The following GLI3 variants were observed in gnomAD, a reference collection of about 807,000 sequenced individuals.
GLI3 encodes GLI family zinc finger 3.
A neutral mutation model predicts 100.8 loss-of-function variants in GLI3; 20 were observed. The ratio of observed to expected loss-of-function variants is 0.20; its 90% CI spans 0.14 to 0.29. The LOEUF (loss-of-function observed/expected upper bound fraction) is 0.29, where lower values mean the gene tolerates loss of function less well. Ranked by LOEUF, GLI3 falls within the 10% of genes least tolerant of loss-of-function variation. The pLI is 1.00. For missense variants in GLI3, 2,040 were observed against 2,128.5 expected (o/e 0.96, Z 0.82); for synonymous variants, 938 against 860.5 (o/e 1.09, Z -1.58).
At position 42,080,605 on chromosome 7, in the gene GLI3, A is replaced by G. The variant is rs1228274166; in HGVS notation, c.368-3748T>C. Among the ~76,000 whole-genome samples the G allele has an allele frequency of 2.0e-5, 3 of 152,314 alleles. No individual in the cohort carries two copies. The East Asian group carries it at 5.8e-4, about 29-fold the overall frequency. On this transcript the variant is annotated intron_variant, in intron 3 of 14. Transcript: ENST00000395925. The stretch of plus-strand genomic sequence containing the variant: ...GCCACTTTCTGGGAAAATACAATGG[A>G]ACTCCCCTCTTCCAATTCAAGACGT...
At chr7:42,113,310 G>T in intron 3 of GLI3, 2 of 607,790 alleles carry the variant, frequency 3.3e-6, no homozygotes, top group Middle Eastern at 3.0e-4. Flanking sequence ...ACCAAAGCCC[G>T]CACACCACCA....
chr7:42,152,521 C>CT, intron 2 of GLI3: 1 of 632,480 alleles, frequency 1.6e-6, no homozygotes, highest in East Asian at 1.4e-4. Flanking sequence ...GTGGTTGGAG[C>CT]CATGCTAAAT....
At chr7:42,018,399 G>T (rs1019902836) in intron 10 of GLI3, among the ~76,000 whole-genome samples, 1 of 152,026 alleles carries the variant, frequency 6.6e-6, no homozygotes, top group Admixed American at 6.6e-5. Flanking sequence ...GACCCCTATC[G>T]CATCTTAAAC....
intron 7 of GLI3, among the ~76,000 whole-genome samples, chr7:42,030,961 C>T (rs976482153): frequency 4.6e-5 from 7 of 152,026 alleles, no homozygotes; most frequent in African/African-American, 9.7e-5. Flanking sequence ...TCAAGTGATC[C>T]GGCCGCCTCG....
intron 3 of GLI3, among the ~76,000 whole-genome samples, chr7:42,086,599 T>C (rs952906708): frequency 1.1e-4 from 16 of 152,048 alleles, no homozygotes; most frequent in African/African-American, 3.1e-4. Flanking sequence ...TCAGGCACCA[T>C]GCACTTCATG....
intron 3 of GLI3, among the ~76,000 whole-genome samples, chr7:42,085,453 C>T (rs1364252294): frequency 6.6e-6 from 1 of 152,008 alleles, no homozygotes; most frequent in Non-Finnish European, 1.5e-5. Flanking sequence ...ATAAGCATTC[C>T]CAAAACGTTA....
At chr7:42,216,423 G>C (rs567505410) in intron 2 of GLI3, among the ~76,000 whole-genome samples, 1 of 152,312 alleles carries the variant, frequency 6.6e-6, no homozygotes, top group East Asian at 1.9e-4. Context: ...TGGTGGATAT[G>C]TGACATACAT....
chr7:42,197,840 G>T (rs1406526833), intron 2 of GLI3, among the ~76,000 whole-genome samples: 1 of 152,124 alleles, frequency 6.6e-6, no homozygotes. Context: ...TTAACGCAAG[G>T]CTCTCGCTCT....
In GLI3 at chr7:41,963,625, T is replaced by C. The variant is rs1787067357; in HGVS notation, c.*705A>G. 1 of 152,370 alleles carries C rather than the reference T, an allele frequency of 6.6e-6. No individual in the cohort carries two copies. The highest frequency in any genetic ancestry group is 2.4e-5 in the African/African-American group (1 of 41,442). The allele number at this position is 152,370 out of a possible 1,614,324, so 9.4% of individuals were successfully genotyped here. On this transcript the variant is annotated 3_prime_UTR_variant, in exon 15 of 15. Transcript: ENST00000395925. Reference sequence around the variant, plus strand: ...GACATAGCCTCCCCCAAAGCACACTTACAGACATGAAGAGCTGAAAACCAA... The same window carrying C: ...GACATAGCCTCCCCCAAAGCACACTCACAGACATGAAGAGCTGAAAACCAA...
intron 10 of GLI3, among the ~76,000 whole-genome samples, chr7:42,020,590 G>T (rs1411119080): frequency 6.6e-6 from 1 of 152,166 alleles, no homozygotes; most frequent in Non-Finnish European, 1.5e-5. Flanking sequence ...CCTCTTGGTT[G>T]TATGTGGCAT....
chr7:41,998,045 C>T (rs959259701), intron 10 of GLI3, among the ~76,000 whole-genome samples: 4 of 151,946 alleles, frequency 2.6e-5, no homozygotes, highest in South Asian at 2.1e-4. Flanking sequence ...TTATTTTTTG[C>T]AAAGGGCAAG....
At chr7:42,251,477 TG>T (rs1211694197) in intron 1 of GLI3, among the ~76,000 whole-genome samples, 1 of 152,076 alleles carries the variant, frequency 6.6e-6, no homozygotes, top group African/African-American at 2.4e-5. Flanking sequence ...TAGGGGGAGT[TG>T]GGGGAGTGGC....
Position 42,204,807 on chromosome 7 carries a change from A to G in GLI3, c.124+18323T>C, listed in dbSNP as rs891774919. On this transcript the variant is annotated intron_variant, in intron 2 of 14. Transcript: ENST00000395925. ...GAATTCTCCTGGACCAGGTCTAGAC[A>G]TGAAAAGTTCTATTGTATGCACGAC... Among the ~76,000 whole-genome samples the G allele has an allele frequency of 1.1e-4, 16 of 152,184 alleles. No homozygotes were observed. The East Asian group carries it at 3.1e-3, about 29-fold the overall frequency.
Position 42,223,197 on chromosome 7 carries a change from G to C in GLI3, c.57C>G (p.Ser19=). The change falls in exon 2 of 15, where the codon TCC becomes TCG. Residue 19 remains serine, a synonymous_variant. Coordinates refer to ENST00000395925, the MANE Select transcript of GLI3 (RefSeq NM_000168.6). Reference sequence around the variant, plus strand: ...CTGTTCGAGTGGAGCACTTCACTATGGAATTCTCAACTTTTTTCTTTTCAG... The same window carrying C: ...CTGTTCGAGTGGAGCACTTCACTATCGAATTCTCAACTTTTTTCTTTTCAG... ...TTTEKKKVEN[S]IVKCSTRTDV... 2 of 1,613,714 alleles carry C rather than the reference G, an allele frequency of 1.2e-6. No homozygotes were observed. Among genetic ancestry groups the C allele is most frequent in the Non-Finnish European group, 1.7e-6 (2 of 1,179,694 alleles).
intron 2 of GLI3, among the ~76,000 whole-genome samples, chr7:42,180,120 G>C (rs1327100701): frequency 6.6e-6 from 1 of 152,202 alleles, no homozygotes; most frequent in African/African-American, 2.4e-5. Flanking sequence ...ATAAGAACGA[G>C]GAGTGGCCTG....
chr7:42,045,263 T>C, intron 6 of GLI3, 121 bp downstream of exon 6: 1 of 970,502 alleles, frequency 1.0e-6, no homozygotes, highest in Non-Finnish European at 1.7e-6. Context: ...ATAGTGGTGG[T>C]TCCACTTTCT....
intron 2 of GLI3, among the ~76,000 whole-genome samples, chr7:42,207,748 T>C (rs753852927): frequency 2.0e-5 from 3 of 152,230 alleles, no homozygotes; most frequent in Non-Finnish European, 2.9e-5. Flanking sequence ...AGAGAAAGAC[T>C]GAAAATATAC....
At chr7:42,182,664 A>ATATATATATATATACATGTGTGTG (rs1787629411) in intron 2 of GLI3, among the ~76,000 whole-genome samples, 2 of 78,328 alleles carry the variant, frequency 2.6e-5, no homozygotes, top group Admixed American at 1.2e-4. Context: ...ATATATATAT[A>ATATATATATATATACATGTGTGTG]TATATATATA....
intron 2 of GLI3, among the ~76,000 whole-genome samples, chr7:42,217,788 A>G (rs1259587335): frequency 6.6e-6 from 1 of 152,226 alleles, no homozygotes; most frequent in African/African-American, 2.4e-5. Context: ...TGGCAAACAT[A>G]TTTCCCTTAA....
Sources: gnomAD v4.1 joint callset for allele counts (sites outside exome capture counted in the v4.1 genomes callset) on GRCh38, gnomAD v4.1.1 for gene constraint, MANE v1.5 for transcripts, NCBI Gene and HGNC (gene_info 2026-07-23, HGNC 2026-07-21) for gene names.